DHX57: variants seen among roughly 807,000 people sequenced by gnomAD.
The protein encoded by DHX57 is putative ATP-dependent RNA helicase DHX57.
Under a neutral mutation model 156.2 loss-of-function variants are expected in DHX57, and 105 were observed. That is an observed-to-expected ratio of 0.67 (90% CI 0.57 to 0.79). The LOEUF is 0.79. Ranked by LOEUF, DHX57 falls within the 30% of genes least tolerant of loss-of-function variation. DHX57 has a pLI of 0.00. For synonymous variants in DHX57, 704 were observed against 595.6 expected, an observed-to-expected ratio of 1.18 and a Z score of -2.65; for missense variants, 1,847 against 1,661.9, an observed-to-expected ratio of 1.11 and a Z score of -1.94.
intron 1 of DHX57, among the ~76,000 whole-genome samples, chr2:38,872,576 G>A (rs1665404500): frequency 6.6e-6 from 1 of 152,334 alleles, no homozygotes; most frequent in Non-Finnish European, 1.5e-5. Flanking sequence ...GAAAGGTGGA[G>A]TGGCTATGTT....
intron 13 of DHX57, among the ~76,000 whole-genome samples, chr2:38,836,147 C>G (rs1022129730): frequency 7.9e-5 from 12 of 152,184 alleles, no homozygotes; most frequent in Admixed American, 2.0e-4. Context: ...AGCACTGAAA[C>G]CAAAGCAAAC....
At position 38,855,047 on chromosome 2, in the gene DHX57, G is replaced by A; in HGVS notation, c.1905+10C>T. 6.2e-7 allele frequency: 1 copy of A among 1,614,080 alleles called. No individual in the cohort carries two copies. The highest frequency in any genetic ancestry group is 8.5e-7 in the Non-Finnish European group (1 of 1,179,996). On this transcript the variant is annotated intron_variant, in intron 8 of 23. Coordinates refer to ENST00000457308, the MANE Select transcript of DHX57 (RefSeq NM_198963.3). ...TTTCTGTTACCAGGAAATAAGCAGA[G>A]CATACAAACCTTGACACTTTCTAAC...
intron 2 of DHX57, among the ~76,000 whole-genome samples, chr2:38,867,547 G>A (rs558892393): frequency 2.2e-4 from 34 of 152,232 alleles, no homozygotes; most frequent in Non-Finnish European, 3.8e-4. Flanking sequence ...CAGTCATGTT[G>A]CACTTTAGGC....
intron 2 of DHX57, among the ~76,000 whole-genome samples, chr2:38,867,678 C>T (rs560637256): frequency 6.6e-6 from 1 of 152,278 alleles, no homozygotes; most frequent in South Asian, 2.1e-4. Context: ...CCTGCCTCAG[C>T]CTCCCTAGTA....
Position 38,861,220 on chromosome 2 carries a change from G to T in DHX57, c.1190C>A (p.Ala397Asp), listed in dbSNP as rs1169758218. ...TTCCGAAGTTTCCGCAAATGTCAAG[G>T]CCTTGTCATAAAGAAACTCAGAAAT... Reference protein sequence around the residue: ...LHISEFLYDKALTFAETSEPV... With the variant: ...LHISEFLYDKDLTFAETSEPV... The change falls in exon 5 of 24, where the codon GCC becomes GAC. Residue 397 changes from alanine (A) to aspartate (D), a missense_variant. Transcript: ENST00000457308. 6.2e-7 allele frequency: 1 copy of T among 1,614,026 alleles called. No homozygotes were observed. The highest frequency in any genetic ancestry group is 2.2e-5 in the East Asian group (1 of 44,892).
chr2:38,826,481 T>A (rs1355491649), intron 15 of DHX57, 35 bp downstream of exon 15: 1 of 1,602,072 alleles, frequency 6.2e-7, no homozygotes, highest in Non-Finnish European at 8.5e-7. Context: ...GAAGCATTTT[T>A]AGCCCCTCTC....
chr2:38,853,076 G>C (rs1336542576), intron 9 of DHX57: 1 of 11,788 alleles, frequency 8.5e-5, no homozygotes, highest in African/African-American at 1.3e-4. Flanking sequence ...TTTCTTTTGA[G>C]ACAGGGTCTT....
At position 38,838,006 on chromosome 2, in the gene DHX57, T is replaced by C. The variant is rs908925559; in HGVS notation, c.2426-59A>G. The C allele has an allele frequency of 3.1e-5, 34 of 1,091,546 alleles. No individual in the cohort carries two copies. In the East Asian group the frequency reaches 7.5e-4, roughly 24 times the overall value. 67.6% of individuals were successfully genotyped at this position (1,091,546 alleles called of 1,614,324 possible). ...TTTATACCTTGTTGATGTATTTTAT[T>C]GTATATTTATACCATATACAATATG... On this transcript the variant is annotated intron_variant, in intron 12 of 23. Transcript: ENST00000457308.
At chr2:38,856,503 C>CTTTT (rs372510406) in intron 6 of DHX57, 42 bp from the exon 7 acceptor site, 26 of 1,392,018 alleles carry the variant, frequency 1.9e-5, no homozygotes, top group Admixed American at 7.8e-5. Context: ...GTTACTTTTT[C>CTTTT]TTTTTTTTTT....
At chr2:38,820,548 C>T (rs1670759297) in intron 17 of DHX57, among the ~76,000 whole-genome samples, 1 of 152,098 alleles carries the variant, frequency 6.6e-6, no homozygotes, top group Admixed American at 6.6e-5. Flanking sequence ...ATACTGTGTA[C>T]CCCCAGCAAG....
intron 2 of DHX57, among the ~76,000 whole-genome samples, chr2:38,866,162 C>G (rs1665058903): frequency 6.6e-6 from 1 of 152,182 alleles, no homozygotes; most frequent in African/African-American, 2.4e-5. Flanking sequence ...CTGATAATAT[C>G]ACACACCCTT....
chr2:38,846,924 G>C, intron 11 of DHX57, 95 bp downstream of exon 11: 1 of 1,009,300 alleles, frequency 9.9e-7, no homozygotes, highest in South Asian at 1.6e-5. Context: ...GGCCCCAAAA[G>C]ATCCTCCCAC....
chr2:38,804,205 G>A (rs1669832807), intron 22 of DHX57, among the ~76,000 whole-genome samples: 1 of 152,016 alleles, frequency 6.6e-6, no homozygotes, highest in Admixed American at 6.6e-5. Context: ...AAAAACATAA[G>A]TCTGGCAGGG....
chr2:38,832,582 G>C (rs1572657438), intron 13 of DHX57, among the ~76,000 whole-genome samples: 2 of 148,538 alleles, frequency 1.3e-5, no homozygotes, highest in East Asian at 3.9e-4. Flanking sequence ...GTCTTGCTCT[G>C]TTACCCAGGT....
At chr2:38,833,250 C>G (rs543227659) in intron 13 of DHX57, among the ~76,000 whole-genome samples, 2 of 152,110 alleles carry the variant, frequency 1.3e-5, no homozygotes, top group Non-Finnish European at 2.9e-5. Context: ...TCAAGAGATT[C>G]TCCTGCCTCA....
chr2:38,810,641 C>T lies in DHX57; in HGVS notation c.3681+3180G>A, dbSNP rs78599984. The T allele has an allele frequency of 2.0e-3, 1,340 of 661,484 alleles. 5 individuals are homozygous for T. The highest frequency in any genetic ancestry group is 3.1e-3 in the Non-Finnish European group (1,090 of 353,298). The allele number at this position is 661,484 out of a possible 1,614,324, so 41.0% of individuals were successfully genotyped here. A position where few individuals can be genotyped will look rare whatever the true frequency, so the allele number is the denominator to read the frequency against. ...AAGATGGATACCTGCACTTTCCCTT[C>T]CACTCGGTCCTGGGACTTGGCAATG... On this transcript the variant is annotated intron_variant, in intron 21 of 23. Coordinates refer to ENST00000457308, the MANE Select transcript of DHX57 (RefSeq NM_198963.3).
intron 11 of DHX57, among the ~76,000 whole-genome samples, chr2:38,844,124 T>G (rs1211878805): frequency 1.3e-5 from 2 of 152,242 alleles, no homozygotes; most frequent in Non-Finnish European, 2.9e-5. Context: ...CAACACTCTT[T>G]TCACATTCAC....
chr2:38,861,529 G>T lies in DHX57; in HGVS notation c.881C>A (p.Thr294Asn). 1.9e-6 allele frequency: 3 copies of T among 1,613,990 alleles called. No homozygotes were observed. The highest frequency in any genetic ancestry group is 2.5e-6 in the Non-Finnish European group (3 of 1,179,994). ...AAGTGAATTCTCTTGTACATTTTTG[G>T]TACTTTCTTTTGGCTTGGATTTGCG... The part of the protein sequence containing the change: ...RFRKSKPKES[T>N]KNVQENSLEI... The change falls in exon 5 of 24, where the codon ACC becomes AAC. Residue 294 changes from threonine to asparagine, a missense_variant. Thr to Asn is a moderately conservative substitution (Grantham distance 65). Transcript: ENST00000457308.
At chr2:38,828,070 G>A (rs913186227) in intron 14 of DHX57, among the ~76,000 whole-genome samples, 1 of 152,106 alleles carries the variant, frequency 6.6e-6, no homozygotes, top group African/African-American at 2.4e-5. Context: ...TGGTCAGGCT[G>A]GTCTCCAACT....
Sources: gnomAD v4.1 joint callset for allele counts (sites outside exome capture counted in the v4.1 genomes callset) on GRCh38, gnomAD v4.1.1 for gene constraint, MANE v1.5 for transcripts, NCBI Gene and HGNC (gene_info 2026-07-23, HGNC 2026-07-21) for gene names.